PPM1L: variants seen among roughly 807,000 people sequenced by gnomAD.
The protein encoded by PPM1L is protein phosphatase 1L.
PPM1L carries 13 observed loss-of-function variants against 31.4 expected under a neutral mutation model. The ratio of observed to expected loss-of-function variants is 0.41; its 90% CI spans 0.27 to 0.66. PPM1L has a LOEUF of 0.66. Ranked by LOEUF, PPM1L falls within the 30% of genes least tolerant of loss-of-function variation. The pLI, the probability that PPM1L is intolerant of heterozygous loss-of-function variation, is 0.29. For missense variants in PPM1L, 326 were observed against 453.7 expected, an observed-to-expected ratio of 0.72 and a Z score of 2.56; for synonymous variants, 184 against 175.4, an observed-to-expected ratio of 1.05 and a Z score of -0.39.
chr3:160,995,603 G>A (rs1234458707), intron 2 of PPM1L, among the ~76,000 whole-genome samples: 2 of 152,186 alleles, frequency 1.3e-5, no homozygotes, highest in South Asian at 4.1e-4. Context: ...TTACAGGCAT[G>A]AGCCACCATG....
intron 1 of PPM1L, among the ~76,000 whole-genome samples, chr3:160,809,270 A>G (rs1712735446): frequency 6.6e-6 from 1 of 152,178 alleles, no homozygotes; most frequent in African/African-American, 2.4e-5. Flanking sequence ...AATTTTATAG[A>G]TGAAGAAATG....
rs145017842 is a variant in PPM1L, at chr3:160,861,100, A to T, written c.400-100636A>T. Among the ~76,000 whole-genome samples, 15 of 152,276 alleles carry T rather than the reference A, an allele frequency of 9.9e-5. No individual in the cohort carries two copies. In the East Asian group the frequency reaches 2.9e-3, roughly 29 times the overall value. On this transcript the variant is annotated intron_variant, in intron 1 of 3. Transcript: ENST00000498165. Reference sequence around the variant, plus strand: ...TAAGAGGTTGAAAGGTTCAAAGTGGAAGGTCACGTAGTGTATCATCAGTGG... The same window carrying T: ...TAAGAGGTTGAAAGGTTCAAAGTGGTAGGTCACGTAGTGTATCATCAGTGG...
intron 3 of PPM1L, among the ~76,000 whole-genome samples, 198 bp downstream of exon 3, chr3:161,065,762 C>T (rs1034954328): frequency 6.6e-6 from 1 of 152,140 alleles, no homozygotes; most frequent in Non-Finnish European, 1.5e-5. Flanking sequence ...CCAAAGATTC[C>T]AAAAGAACTA....
At chr3:160,912,370 A>G (rs1041773835) in intron 1 of PPM1L, among the ~76,000 whole-genome samples, 1 of 152,200 alleles carries the variant, frequency 6.6e-6, no homozygotes, top group Non-Finnish European at 1.5e-5. Flanking sequence ...GCTTCCCCGT[A>G]TATTATCACA....
chr3:160,851,196 A>C (rs1277264256), intron 1 of PPM1L, among the ~76,000 whole-genome samples: 1 of 152,162 alleles, frequency 6.6e-6, no homozygotes, highest in Non-Finnish European at 1.5e-5. Context: ...TTGTTTAGAA[A>C]ACCAGAGGGG....
chr3:160,970,008 C>A (rs1716270561), intron 2 of PPM1L, among the ~76,000 whole-genome samples: 1 of 151,948 alleles, frequency 6.6e-6, no homozygotes. Context: ...TTATTTATGC[C>A]AAATTTTATA....
At chr3:160,769,041 A>C (rs1715181183) in intron 1 of PPM1L, among the ~76,000 whole-genome samples, 1 of 152,206 alleles carries the variant, frequency 6.6e-6, no homozygotes, top group South Asian at 2.1e-4. Flanking sequence ...AGTACTCTTC[A>C]CATCTTATAG....
At chr3:160,924,109 G>C (rs548438057) in intron 1 of PPM1L, among the ~76,000 whole-genome samples, 1 of 152,288 alleles carries the variant, frequency 6.6e-6, no homozygotes, top group East Asian at 1.9e-4. Context: ...GTTTGTTTTA[G>C]AAAAGAGGTA....
chr3:161,030,786 G>A (rs947176072), intron 2 of PPM1L, among the ~76,000 whole-genome samples: 3 of 151,994 alleles, frequency 2.0e-5, no homozygotes, highest in African/African-American at 7.2e-5. Flanking sequence ...GAGAAAGAAG[G>A]CCTCTAATGT....
chr3:161,063,235 G>A (rs1366710909), intron 2 of PPM1L, among the ~76,000 whole-genome samples: 1 of 151,872 alleles, frequency 6.6e-6, no homozygotes, highest in Non-Finnish European at 1.5e-5. Context: ...TCAAAAACTG[G>A]TAACAACAAT....
intron 1 of PPM1L, chr3:160,842,179 T>G (rs925284857): frequency 1.5e-5 from 10 of 689,564 alleles, no homozygotes; most frequent in Non-Finnish European, 2.6e-5. Flanking sequence ...GGAGGACTCA[T>G]GCAGGAGCTG....
At chr3:160,797,055 G>C (rs553141752) in intron 1 of PPM1L, among the ~76,000 whole-genome samples, 1 of 152,200 alleles carries the variant, frequency 6.6e-6, no homozygotes, top group African/African-American at 2.4e-5. Context: ...AGATGCTGCA[G>C]GGTTTTTGTT....
rs1207660933 is a variant in PPM1L, at chr3:160,944,826, T to G, written c.400-16910T>G. ...ACATATATAACATATATATGTTATA[T>G]ATAACATATATATGTTATATATAAC... On this transcript the variant is annotated intron_variant, in intron 1 of 3. Transcript: ENST00000498165. Among the ~76,000 whole-genome samples the G allele has an allele frequency of 5.2e-5, 3 of 57,998 alleles. 1 individual carries two copies. In the East Asian group the frequency reaches 9.2e-4, roughly 18 times the overall value. The allele number at this position is 57,998 out of a possible 152,430, so 38.0% of individuals were successfully genotyped here.
At chr3:160,935,457 A>G (rs937542575) in intron 1 of PPM1L, among the ~76,000 whole-genome samples, 3 of 152,298 alleles carry the variant, frequency 2.0e-5, no homozygotes, top group African/African-American at 2.4e-5. Flanking sequence ...TTGGTTTAGC[A>G]TAGTTAAAAA....
chr3:160,940,052 G>C (rs1261837587), intron 1 of PPM1L, among the ~76,000 whole-genome samples: 2 of 152,192 alleles, frequency 1.3e-5, no homozygotes, highest in East Asian at 3.9e-4. Flanking sequence ...CTGGAGCAAA[G>C]GTGATTTTTA....
intron 1 of PPM1L, among the ~76,000 whole-genome samples, chr3:160,883,636 T>G (rs1712800252): frequency 6.6e-6 from 1 of 151,950 alleles, no homozygotes; most frequent in Admixed American, 6.6e-5. Context: ...AGGAGATGAC[T>G]TAGGTCCTTT....
chr3:160,928,737 C>G (rs2108077482), intron 1 of PPM1L, among the ~76,000 whole-genome samples: 1 of 152,154 alleles, frequency 6.6e-6, no homozygotes. Flanking sequence ...CTAGCTAGGT[C>G]CTTTTGTCCC....
chr3:160,863,221 A>G (rs1479589494), intron 1 of PPM1L, among the ~76,000 whole-genome samples: 1 of 152,196 alleles, frequency 6.6e-6, no homozygotes, highest in Non-Finnish European at 1.5e-5. Context: ...ACTGAAGATG[A>G]TAGAATTTTT....
chr3:160,814,266 C>T (rs1467664976), intron 1 of PPM1L, among the ~76,000 whole-genome samples: 5 of 152,154 alleles, frequency 3.3e-5, no homozygotes, highest in East Asian at 3.9e-4. Context: ...GATACTGCCC[C>T]GGATCAGGTT....
Sources: allele counts gnomAD v4.1 joint callset (sites outside exome capture counted in the v4.1 genomes callset), GRCh38; gene constraint gnomAD v4.1.1; transcripts MANE v1.5; gene names NCBI Gene and HGNC (gene_info 2026-07-23, HGNC 2026-07-21).